Variants in MEF2A observed in about 807,000 individuals in gnomAD.
The protein encoded by MEF2A is myocyte-specific enhancer factor 2A.
In MEF2A, 28 loss-of-function variants were observed where a neutral mutation model predicts 55.8. That is an observed-to-expected ratio of 0.50 (90% CI 0.37 to 0.69). The LOEUF is 0.69. MEF2A is among the 30% of genes least tolerant of loss of function. The pLI, the probability that MEF2A is intolerant of heterozygous loss-of-function variation, is 0.00. For synonymous variants in MEF2A, 239 were observed against 227.1 expected (o/e 1.05, Z -0.47); for missense variants, 528 against 626.2 (o/e 0.84, Z 1.67).
chr15:99,709,302 G>A (rs2058365328), intron 10 of MEF2A, among the ~76,000 whole-genome samples: 3 of 152,354 alleles, frequency 2.0e-5, no homozygotes, highest in South Asian at 4.1e-4. Flanking sequence ...CTGGGTGCAT[G>A]TTGGTGCCAT....
At chr15:99,666,578 T>TATTATAATA (rs2049782698) in intron 4 of MEF2A, among the ~76,000 whole-genome samples, 1 of 141,270 alleles carries the variant, frequency 7.1e-6, no homozygotes, top group Non-Finnish European at 1.5e-5. Context: ...GAACTTAAAG[T>TATTATAATA]ATAATAATAA....
chr15:99,618,632 G>C (rs1244031362), intron 2 of MEF2A, among the ~76,000 whole-genome samples: 2 of 152,056 alleles, frequency 1.3e-5, no homozygotes, highest in African/African-American at 4.8e-5. Context: ...CCCACAAGCG[G>C]TTCAGAATAA....
intron 1 of MEF2A, among the ~76,000 whole-genome samples, chr15:99,591,358 T>C (rs1567176246): frequency 1.3e-5 from 2 of 152,222 alleles, no homozygotes; most frequent in African/African-American, 2.4e-5. Context: ...TGTAATTCCT[T>C]TGTTGTAAAC....
chr15:99,699,202 C>T (rs978428554), intron 8 of MEF2A, among the ~76,000 whole-genome samples: 4 of 152,198 alleles, frequency 2.6e-5, no homozygotes, highest in African/African-American at 9.7e-5. Flanking sequence ...AGATGTCCTT[C>T]AACAGATGAA....
At chr15:99,595,177 G>A (rs1021321726) in intron 1 of MEF2A, among the ~76,000 whole-genome samples, 1 of 152,098 alleles carries the variant, frequency 6.6e-6, no homozygotes, top group African/African-American at 2.4e-5. Flanking sequence ...ATAGTAATGG[G>A]GTAATAATGA....
chr15:99,566,708 A>C (rs953923258), intron 1 of MEF2A: 2 of 152,342 alleles, frequency 1.3e-5, no homozygotes, highest in East Asian at 1.9e-4. Flanking sequence ...GACTTGAAGA[A>C]GTTCCCCCAC....
At chr15:99,646,522 T>G (rs1305246882) in intron 4 of MEF2A, among the ~76,000 whole-genome samples, 1 of 152,122 alleles carries the variant, frequency 6.6e-6, no homozygotes, top group African/African-American at 2.4e-5. Flanking sequence ...GGAGGAATTT[T>G]TTATTACTTG....
chr15:99,664,474 T>A (rs569494755), intron 4 of MEF2A, among the ~76,000 whole-genome samples: 65 of 152,208 alleles, frequency 4.3e-4, no homozygotes, highest in Non-Finnish European at 1.3e-4. Flanking sequence ...ATGAATTGAT[T>A]TAAAACAGGT....
At chr15:99,586,507 T>A (rs1251326430) in intron 1 of MEF2A, among the ~76,000 whole-genome samples, 2 of 152,230 alleles carry the variant, frequency 1.3e-5, no homozygotes, top group Non-Finnish European at 2.9e-5. Context: ...CTTTTGCCCA[T>A]TTTTAATAGG....
chr15:99,588,966 T>A (rs1968345690), intron 1 of MEF2A, among the ~76,000 whole-genome samples: 1 of 152,226 alleles, frequency 6.6e-6, no homozygotes, highest in South Asian at 2.1e-4. Flanking sequence ...GACCTGCTAA[T>A]ATTTTGTTAA....
intron 3 of MEF2A, among the ~76,000 whole-genome samples, chr15:99,638,407 C>G (rs1374930678): frequency 6.6e-6 from 1 of 152,040 alleles, no homozygotes; most frequent in Non-Finnish European, 1.5e-5. Flanking sequence ...TTTTTTCCTT[C>G]TCTGGGATTC....
At chr15:99,574,303 A>C (rs1388052863) in intron 1 of MEF2A, among the ~76,000 whole-genome samples, 1 of 152,182 alleles carries the variant, frequency 6.6e-6, no homozygotes, top group Non-Finnish European at 1.5e-5. Context: ...CCTTTTTGGC[A>C]CCAGGGACCA....
intron 1 of MEF2A, among the ~76,000 whole-genome samples, chr15:99,588,539 C>A (rs567856864): frequency 2.0e-5 from 3 of 151,946 alleles, no homozygotes; most frequent in Non-Finnish European, 2.9e-5. Flanking sequence ...CTCCTGAGCT[C>A]AGGCAATCTG....
intron 2 of MEF2A, among the ~76,000 whole-genome samples, chr15:99,620,171 C>T (rs1459563354): frequency 1.3e-5 from 2 of 152,122 alleles, no homozygotes; most frequent in Admixed American, 6.5e-5. Flanking sequence ...TATCTGTGAA[C>T]ACAATATCTA....
intron 3 of MEF2A, among the ~76,000 whole-genome samples, chr15:99,644,844 G>A (rs2153476005): frequency 6.6e-6 from 1 of 152,294 alleles, no homozygotes; most frequent in Middle Eastern, 3.4e-3. Context: ...GGGTTGTTGG[G>A]TGGTATAATT....
chr15:99,700,725 C>T (rs190593663), intron 8 of MEF2A, among the ~76,000 whole-genome samples: 12 of 152,132 alleles, frequency 7.9e-5, no homozygotes, highest in African/African-American at 2.2e-4. Context: ...GGCAGGGAAA[C>T]GGGATGAGCC....
intron 2 of MEF2A, among the ~76,000 whole-genome samples, chr15:99,600,993 G>A (rs892193609): frequency 1.9e-4 from 29 of 152,160 alleles, no homozygotes; most frequent in Non-Finnish European, 4.0e-4. Context: ...TGGGAGAATT[G>A]ACCTCTTAAG....
chr15:99,632,996 G>T lies in MEF2A; in HGVS notation c.-124G>T. On this transcript the variant is annotated 5_prime_UTR_variant, in exon 3 of 12. Transcript: ENST00000557942. ...CTTTTAGATCTTGTAGAAAATTTCA[G>T]CTGTAGCCCTTGGACTAGAAGCTGA... The T allele has an allele frequency of 1.5e-6, 1 of 686,232 alleles. No homozygotes were observed. The highest frequency in any genetic ancestry group is 2.4e-6 in the Non-Finnish European group (1 of 411,154). 42.5% of individuals were successfully genotyped at this position (686,232 alleles called of 1,614,324 possible). A position where few individuals can be genotyped will look rare whatever the true frequency, so the allele number is the denominator to read the frequency against.
intron 3 of MEF2A, among the ~76,000 whole-genome samples, chr15:99,642,559 G>A (rs1432390104): frequency 2.0e-5 from 3 of 151,410 alleles, no homozygotes; most frequent in Non-Finnish European, 4.4e-5. Context: ...ATTCATTTCC[G>A]AGCCATACCA....
Sources: allele counts gnomAD v4.1 joint callset (sites outside exome capture counted in the v4.1 genomes callset), GRCh38; gene constraint gnomAD v4.1.1; transcripts MANE v1.5; gene names NCBI Gene and HGNC (gene_info 2026-07-23, HGNC 2026-07-21).